Variants in ZNF229 observed in about 807,000 individuals in gnomAD.
ZNF229 encodes zinc finger protein 229.
ZNF229 carries 10 observed loss-of-function variants against 11.8 expected under a neutral mutation model. The observed-to-expected ratio is 0.85, with a 90% CI of 0.52 to 1.44. The LOEUF is 1.44. Among genes scored for constraint, ZNF229 ranks in the 40% most tolerant of loss-of-function variants. The pLI is 0.00. For missense variants in ZNF229, 1,045 were observed against 1,015.1 expected, an observed-to-expected ratio of 1.03 and a Z score of -0.40; for synonymous variants, 368 against 374.8, an observed-to-expected ratio of 0.98 and a Z score of 0.21.
rs573525946 is a variant in ZNF229, at chr19:44,429,109, C to T, written c.1672G>A (p.Asp558Asn). 2.5e-5 allele frequency: 40 copies of T among 1,611,422 alleles called. No individual in the cohort carries two copies. Among genetic ancestry groups the T allele is most frequent in the Middle Eastern group, 3.3e-4 (2 of 6,040 alleles). Residue 558 changes from aspartate to asparagine, a missense_variant, in exon 6 of 6, where the codon GAC becomes AAC. Transcript: ENST00000614049. The stretch of plus-strand genomic sequence containing the variant: ...TGGACCCTCTGATGGATGTGGAGGT[C>T]GGAGCTCCGGCCAAAGCTCTTCCCG... ...ECGKSFGRSS[D>N]LHIHQRVHTG...
chr19:44,442,792 C>CCCCCCCCCCAATA, intron 3 of ZNF229, 22 bp downstream of exon 3: 1 of 1,538,326 alleles, frequency 6.5e-7, no homozygotes, highest in Non-Finnish European at 9.0e-7. Context: ...TCCCCCCACC[C>CCCCCCCCCCAATA]ACCCCCTCTA....
intron 4 of ZNF229, among the ~76,000 whole-genome samples, chr19:44,440,836 C>T (rs1469851250): frequency 2.6e-5 from 4 of 151,856 alleles, no homozygotes; most frequent in African/African-American, 4.8e-5. Flanking sequence ...GCAATCCTCC[C>T]ACTTCAACCC....
chr19:44,438,123 TA>T (rs1329218070), intron 4 of ZNF229, among the ~76,000 whole-genome samples: 3 of 152,064 alleles, frequency 2.0e-5, no homozygotes, highest in Non-Finnish European at 4.4e-5. Context: ...CTAAAATTTT[TA>T]AAAAAGTAAA....
Position 44,429,271 on chromosome 19 carries a change from G to A in ZNF229, c.1510C>T (p.Leu504Phe). 2 of 1,614,140 alleles carry A rather than the reference G, an allele frequency of 1.2e-6. No individual in the cohort carries two copies. Among genetic ancestry groups the A allele is most frequent in the Non-Finnish European group, 1.7e-6 (2 of 1,180,040 alleles). ...ATGTGAACTCTCTGGTGAGCTTGAA[G>A]GTACGAGTTGTGACTGAAACCTTTG... ...CGKGFSHNSYLQAHQRVHMGQ... is the reference protein window; with the variant it reads ...CGKGFSHNSYFQAHQRVHMGQ... Residue 504 changes from leucine to phenylalanine, a missense_variant, in exon 6 of 6, where the codon CTT becomes TTT. Physicochemically the swap from Leu to Phe is conservative, Grantham distance 22. Transcript: ENST00000614049.
chr19:44,428,125 A>C lies in ZNF229; in HGVS notation c.*178T>G. The stretch of plus-strand genomic sequence containing the variant: ...TCTTAAAGACTGAAGTTTGTAACTG[A>C]AGTGCTAACCTATTTATCACACATC... On this transcript the variant is annotated 3_prime_UTR_variant, in exon 6 of 6. Coordinates refer to ENST00000614049, the MANE Select transcript of ZNF229 (RefSeq NM_014518.4). The C allele has an allele frequency of 1.5e-6, 1 of 645,814 alleles. No individual in the cohort carries two copies. The highest frequency in any genetic ancestry group is 2.8e-5 in the East Asian group (1 of 36,110). The allele number at this position is 645,814 out of a possible 1,614,324, so 40.0% of individuals were successfully genotyped here.
At chr19:44,446,738 T>C (rs1179249363) in intron 2 of ZNF229, among the ~76,000 whole-genome samples, 1 of 152,246 alleles carries the variant, frequency 6.6e-6, no homozygotes, top group Non-Finnish European at 1.5e-5. Flanking sequence ...GTTCTCATGG[T>C]GCTTACTTTC....
At chr19:44,431,870 G>T in intron 5 of ZNF229, 1 of 931,408 alleles carries the variant, frequency 1.1e-6, no homozygotes, top group Non-Finnish European at 1.3e-6. Context: ...GAGGTGGTGG[G>T]TCTTCCGGAG....
intron 4 of ZNF229, among the ~76,000 whole-genome samples, chr19:44,437,230 G>T (rs1239994595): frequency 1.3e-5 from 2 of 151,944 alleles, no homozygotes; most frequent in African/African-American, 4.8e-5. Context: ...GAATGGATAA[G>T]GTCTTTTGAA....
At chr19:44,435,616 T>G (rs573514771) in intron 4 of ZNF229, among the ~76,000 whole-genome samples, 1 of 149,146 alleles carries the variant, frequency 6.7e-6, no homozygotes, top group East Asian at 2.0e-4. Flanking sequence ...ATACCAAAGT[T>G]TCAGACTTCC....
At chr19:44,435,166 A>G (rs1028105464) in intron 4 of ZNF229, among the ~76,000 whole-genome samples, 2 of 152,222 alleles carry the variant, frequency 1.3e-5, no homozygotes, top group African/African-American at 4.8e-5. Context: ...TACAGAATGC[A>G]TACCATATTA....
intron 2 of ZNF229, among the ~76,000 whole-genome samples, chr19:44,447,259 A>C (rs1420791291): frequency 6.7e-6 from 1 of 149,514 alleles, no homozygotes; most frequent in Admixed American, 6.7e-5. Flanking sequence ...TACTCTAATT[A>C]TTTCTACCCT....
At position 44,432,643 on chromosome 19, in the gene ZNF229, G is replaced by A. The variant is rs558930693; in HGVS notation, c.94-277C>T. ...CTCATAGGTGGGAATTGAACAATGAGAACACATGGACACAGGAAGGGGAAC... is the reference window on the plus strand; with the variant it reads ...CTCATAGGTGGGAATTGAACAATGAAAACACATGGACACAGGAAGGGGAAC... On this transcript the variant is annotated intron_variant, in intron 4 of 5. Transcript: ENST00000614049. 8.6e-5 allele frequency among the ~76,000 whole-genome samples: 13 copies of A among 151,102 alleles called. No homozygotes were observed. In the South Asian group the frequency reaches 2.3e-3, roughly 27 times the overall value.
In ZNF229 at chr19:44,430,511, A is replaced by T. The variant is rs374017990; in HGVS notation, c.270T>A (p.Ile90=). 2 of 1,613,936 alleles carry T rather than the reference A, an allele frequency of 1.2e-6. No individual in the cohort carries two copies. Among genetic ancestry groups the T allele is most frequent in the African/African-American group, 1.3e-5 (1 of 74,880 alleles). The change falls in exon 6 of 6, where the codon ATT becomes ATA. Residue 90 remains isoleucine (I), a synonymous_variant. Coordinates refer to ENST00000614049, the MANE Select transcript of ZNF229 (RefSeq NM_014518.4). ...GDKNGKDTEY[I]QDEELRFFSH... Reference sequence around the variant, plus strand: ...AAAAGAACCTTAATTCTTCATCTTGAATATACTCCGTATCCTTTCCATTCT... The same window carrying T: ...AAAAGAACCTTAATTCTTCATCTTGTATATACTCCGTATCCTTTCCATTCT...
intron 2 of ZNF229, among the ~76,000 whole-genome samples, chr19:44,444,517 G>A (rs1440055829): frequency 6.6e-6 from 1 of 152,164 alleles, no homozygotes. Flanking sequence ...AGGACAAAGG[G>A]AAGAGTAGAG....
chr19:44,442,895 C>G lies in ZNF229; in HGVS notation c.-48G>C, dbSNP rs780697092. 1.2e-5 allele frequency: 19 copies of G among 1,548,728 alleles called. No homozygotes were observed. The highest frequency in any genetic ancestry group is 1.7e-5 in the Non-Finnish European group (19 of 1,137,882). The stretch of plus-strand genomic sequence containing the variant: ...GCGAGCAGCAGCAACTGTATTTATT[C>G]TCTGGTTTTCCTAAGCTGGAGACGC... On this transcript the variant is annotated 5_prime_UTR_variant, in exon 3 of 6. Transcript: ENST00000614049.
In ZNF229 at chr19:44,429,600, A is replaced by G; in HGVS notation, c.1181T>C (p.Val394Ala). The G allele has an allele frequency of 1.9e-6, 3 of 1,613,994 alleles. No homozygotes were observed. Among genetic ancestry groups the G allele is most frequent in the Non-Finnish European group, 2.5e-6 (3 of 1,180,012 alleles). Reference sequence around the variant, plus strand: ...CTCTCCAGTGTGGACCCTCTGATGGACAAGCAGGTTTGAACTTCGACCAAA... The same window carrying G: ...CTCTCCAGTGTGGACCCTCTGATGGGCAAGCAGGTTTGAACTTCGACCAAA... The part of the protein sequence containing the change: ...KAFGRSSNLL[V>A]HQRVHTGEKP... The change falls in exon 6 of 6, where the codon GTC (valine) becomes GCC (alanine). Residue 394 changes from valine (V) to alanine (A), a missense_variant. By Grantham distance (64) the Val-to-Ala change is moderately conservative. Coordinates refer to ENST00000614049, the MANE Select transcript of ZNF229 (RefSeq NM_014518.4).
chr19:44,434,281 C>T lies in ZNF229; in HGVS notation c.94-1915G>A, dbSNP rs1971774835. Among the ~76,000 whole-genome samples the T allele has an allele frequency of 2.0e-5, 3 of 152,184 alleles. No homozygotes were observed. In the South Asian group the frequency reaches 6.2e-4, roughly 31 times the overall value. Reference sequence around the variant, plus strand: ...ATGATGGTTCTTTCCCAATCATTCACTACCCTTCCATCACCAGGTAGGCAA... The same window carrying T: ...ATGATGGTTCTTTCCCAATCATTCATTACCCTTCCATCACCAGGTAGGCAA... On this transcript the variant is annotated intron_variant, in intron 4 of 5. Transcript: ENST00000614049.
chr19:44,429,698 T>C lies in ZNF229; in HGVS notation c.1083A>G (p.Lys361=), dbSNP rs758365438. The change falls in exon 6 of 6, where the codon AAA becomes AAG. Residue 361 remains lysine, a synonymous_variant. Transcript: ENST00000614049. ...CCCCTTGATGAATAAGAAGAACCGA[T>C]TTATACCTGAACCCCTTTCCACAGA... ...CDVCGKGFRY[K]SVLLIHQGVH... is the part of the protein sequence containing the mutation. The C allele has an allele frequency of 3.1e-6, 5 of 1,613,988 alleles. No individual in the cohort carries two copies. Among genetic ancestry groups the C allele is most frequent in the East Asian group, 2.2e-5 (1 of 44,888 alleles).
In ZNF229 at chr19:44,429,767, G is replaced by C. The variant is rs1260676841; in HGVS notation, c.1014C>G (p.Asn338Lys). 1 of 1,613,918 alleles carries C rather than the reference G, an allele frequency of 6.2e-7. No homozygotes were observed. The highest frequency in any genetic ancestry group is 1.3e-5 in the African/African-American group (1 of 74,826). ...RGVRQNTHIRNHPRAPVGDMP... is the reference protein window; with the variant it reads ...RGVRQNTHIRKHPRAPVGDMP... ...TGTCTCCCACAGGGGCTCTGGGGTG[G>C]TTACGTATGTGCGTGTTCTGTCTGA... The change falls in exon 6 of 6, where the codon AAC becomes AAG. Residue 338 changes from asparagine (N) to lysine (K), a missense_variant. Coordinates refer to ENST00000614049, the MANE Select transcript of ZNF229 (RefSeq NM_014518.4).
Sources: gnomAD v4.1 joint callset for allele counts (sites outside exome capture counted in the v4.1 genomes callset) on GRCh38, gnomAD v4.1.1 for gene constraint, MANE v1.5 for transcripts, NCBI Gene and HGNC (gene_info 2026-07-23, HGNC 2026-07-21) for gene names.